Variants in AUTS2 observed in about 807,000 individuals in gnomAD.
The protein encoded by AUTS2 is activator of transcription and developmental regulator AUTS2.
In AUTS2, 17 loss-of-function variants were observed where a neutral mutation model predicts 112.4. That is an observed-to-expected ratio of 0.15 (90% CI 0.10 to 0.23). The LOEUF is 0.23. Among genes scored for constraint, AUTS2 ranks in the 10% least tolerant of loss-of-function variants. AUTS2 has a pLI of 1.00. For missense variants in AUTS2, 1,510 were observed against 1,701.6 expected, an observed-to-expected ratio of 0.89 and a Z score of 1.98; for synonymous variants, 751 against 702.7, an observed-to-expected ratio of 1.07 and a Z score of -1.09.
At chr7:70,360,561 T>A (rs892747154) in intron 4 of AUTS2, among the ~76,000 whole-genome samples, 1 of 152,208 alleles carries the variant, frequency 6.6e-6, no homozygotes, top group Non-Finnish European at 1.5e-5. Flanking sequence ...CTGTGACAGG[T>A]GTATGACCCC....
chr7:70,183,317 T>C (rs1193050554), intron 4 of AUTS2, among the ~76,000 whole-genome samples: 1 of 152,206 alleles, frequency 6.6e-6, no homozygotes, highest in Non-Finnish European at 1.5e-5. Flanking sequence ...AGAGAGACTT[T>C]GATTAATCAC....
At chr7:70,575,651 C>G (rs989688026) in intron 5 of AUTS2, among the ~76,000 whole-genome samples, 3 of 152,150 alleles carry the variant, frequency 2.0e-5, no homozygotes, top group African/African-American at 7.2e-5. Context: ...TTCTTCTCTT[C>G]GTTTGCTGGG....
chr7:69,978,450 A>G (rs750949740), intron 2 of AUTS2, among the ~76,000 whole-genome samples: 3 of 152,246 alleles, frequency 2.0e-5, no homozygotes, highest in South Asian at 2.1e-4. Flanking sequence ...TTCATGAGCT[A>G]TTCAATCCAA....
intron 2 of AUTS2, among the ~76,000 whole-genome samples, chr7:70,004,313 A>T (rs1336814310): frequency 3.7e-5 from 5 of 134,300 alleles, no homozygotes; most frequent in East Asian, 2.0e-4. Flanking sequence ...GTGACTATAT[A>T]TTATATATAT....
chr7:69,694,598 G>A (rs1159839659), intron 1 of AUTS2, among the ~76,000 whole-genome samples: 3 of 152,126 alleles, frequency 2.0e-5, no homozygotes, highest in Admixed American at 6.5e-5. Flanking sequence ...AGGCAACATG[G>A]CAAAACCATG....
At chr7:70,275,550 A>AT (rs1787889113) in intron 4 of AUTS2, among the ~76,000 whole-genome samples, 1 of 152,134 alleles carries the variant, frequency 6.6e-6, no homozygotes, top group Non-Finnish European at 1.5e-5. Context: ...GTAAAAAAAA[A>AT]TTTGTATATT....
rs140009666 is a variant in AUTS2, at chr7:69,889,933, C to A, written c.310-9353C>A. Among the ~76,000 whole-genome samples the A allele has an allele frequency of 1.9e-3, 288 of 152,270 alleles. 1 individual carries two copies. The highest frequency in any genetic ancestry group is 6.6e-3 in the African/African-American group (276 of 41,546). On this transcript the variant is annotated intron_variant, in intron 1 of 18. Coordinates refer to ENST00000342771, the MANE Select transcript of AUTS2 (RefSeq NM_015570.4). ...CCTTTTTGGACTCGTCCTTTGTGTACGTTATTGCCCTAAGCCCTCACTGAT... is the reference window on the plus strand; with the variant it reads ...CCTTTTTGGACTCGTCCTTTGTGTAAGTTATTGCCCTAAGCCCTCACTGAT...
At chr7:70,709,083 A>G (rs1410109462) in intron 6 of AUTS2, among the ~76,000 whole-genome samples, 1 of 151,540 alleles carries the variant, frequency 6.6e-6, no homozygotes, top group Admixed American at 6.6e-5. Context: ...ACGCCTCGCT[A>G]ATTTTTTGTA....
intron 2 of AUTS2, among the ~76,000 whole-genome samples, chr7:70,003,873 G>T (rs1799377929): frequency 1.2e-5 from 1 of 85,110 alleles, no homozygotes; most frequent in South Asian, 3.8e-4. Context: ...TATAATATAT[G>T]AATGTGTTAT....
chr7:70,323,211 T>A (rs1459986969), intron 4 of AUTS2, among the ~76,000 whole-genome samples: 1 of 152,200 alleles, frequency 6.6e-6, no homozygotes, highest in African/African-American at 2.4e-5. Context: ...TTTCTACAGT[T>A]AGCATTCGCT....
intron 4 of AUTS2, among the ~76,000 whole-genome samples, chr7:70,405,115 T>C (rs1360182596): frequency 1.3e-5 from 2 of 152,218 alleles, no homozygotes; most frequent in Non-Finnish European, 2.9e-5. Flanking sequence ...AGATTATGAT[T>C]TTTTTGCAAG....
chr7:70,377,434 A>G (rs12112891), intron 4 of AUTS2, among the ~76,000 whole-genome samples: 7,989 of 140,144 alleles, frequency 0.057, 301 homozygotes, highest in African/African-American at 0.087. Flanking sequence ...AAAATGGTAA[A>G]CCATTTATAT....
chr7:69,646,685 T>C (rs1229568790), intron 1 of AUTS2, among the ~76,000 whole-genome samples: 3 of 152,348 alleles, frequency 2.0e-5, no homozygotes, highest in Middle Eastern at 3.4e-3. Flanking sequence ...GACTGCAATA[T>C]TGGTCCTAAG....
chr7:70,209,498 G>T (rs1446160494), intron 4 of AUTS2, among the ~76,000 whole-genome samples: 4 of 152,116 alleles, frequency 2.6e-5, no homozygotes, highest in South Asian at 4.2e-4. Flanking sequence ...GAAAGCTATG[G>T]GGCTGTTTGG....
chr7:69,744,258 T>A (rs1012468999), intron 1 of AUTS2, among the ~76,000 whole-genome samples: 4 of 152,202 alleles, frequency 2.6e-5, no homozygotes, highest in Non-Finnish European at 5.9e-5. Context: ...ATAAGTGAGC[T>A]GCTATGAACA....
chr7:70,015,566 G>T (rs747303685), intron 2 of AUTS2, among the ~76,000 whole-genome samples: 1 of 152,152 alleles, frequency 6.6e-6, no homozygotes, highest in Non-Finnish European at 1.5e-5. Context: ...GACAATAAAA[G>T]AATTAGTTGA....
chr7:70,054,580 A>G (rs549462676), intron 2 of AUTS2, among the ~76,000 whole-genome samples: 17 of 152,206 alleles, frequency 1.1e-4, no homozygotes, highest in Non-Finnish European at 2.5e-4. Flanking sequence ...AACAAACAAA[A>G]AAATAAATGG....
intron 4 of AUTS2, among the ~76,000 whole-genome samples, chr7:70,164,490 C>T (rs1294857038): frequency 1.3e-5 from 2 of 152,060 alleles, no homozygotes; most frequent in Admixed American, 6.6e-5. Context: ...TTAAGGAGTA[C>T]TGGTCAGGTA....
chr7:70,429,404 G>C (rs564897235), intron 4 of AUTS2, among the ~76,000 whole-genome samples: 1 of 152,348 alleles, frequency 6.6e-6, no homozygotes, highest in East Asian at 1.9e-4. Flanking sequence ...TTCTGGAAAA[G>C]TATTGGAAGA....
Sources: allele counts gnomAD v4.1 joint callset (sites outside exome capture counted in the v4.1 genomes callset), GRCh38; gene constraint gnomAD v4.1.1; transcripts MANE v1.5; gene names NCBI Gene and HGNC (gene_info 2026-07-23, HGNC 2026-07-21).